SLC16A7: variants seen among roughly 807,000 people sequenced by gnomAD.
The protein encoded by SLC16A7 is solute carrier family 16 member 7.
SLC16A7 carries 33 observed loss-of-function variants against 34.9 expected under a neutral mutation model. The observed-to-expected ratio is 0.94, with a 90% CI of 0.72 to 1.26. The LOEUF (loss-of-function observed/expected upper bound fraction) is 1.26. Among genes scored for constraint, SLC16A7 ranks in the 50% most tolerant of loss-of-function variants. The probability of loss-of-function intolerance (pLI) is 0.00; values close to 1 mark genes in which losing one functional copy is unlikely to be tolerated. For missense variants in SLC16A7, 573 were observed against 578.1 expected, an observed-to-expected ratio of 0.99 and a Z score of 0.09; for synonymous variants, 201 against 206.6, an observed-to-expected ratio of 0.97 and a Z score of 0.23.
At chr12:59,660,823 T>A (rs1868808740) in intron 2 of SLC16A7, among the ~76,000 whole-genome samples, 2 of 152,162 alleles carry the variant, frequency 1.3e-5, no homozygotes, top group African/African-American at 4.8e-5. Flanking sequence ...AAGGATCTCA[T>A]ACCCTGTGAG....
Position 59,786,898 on chromosome 12 carries a change from T to C in SLC16A7, c.*7219T>C, listed in dbSNP as rs1394109002. 6.6e-6 allele frequency: 1 copy of C among 152,158 alleles called. No individual in the cohort carries two copies. The highest frequency in any genetic ancestry group is 1.5e-5 in the Non-Finnish European group (1 of 67,994). The allele number at this position is 152,158 out of a possible 1,614,324, so 9.4% of individuals were successfully genotyped here. ...AAATATATATAACAACCCTACTTGA[T>C]AGTTTATAGCCCAAATGAATATATT... On this transcript the variant is annotated 3_prime_UTR_variant, in exon 6 of 6. Coordinates refer to ENST00000547379, the MANE Select transcript of SLC16A7 (RefSeq NM_001270623.2).
chr12:59,643,153 C>A (rs894648732), intron 1 of SLC16A7, among the ~76,000 whole-genome samples: 2 of 152,090 alleles, frequency 1.3e-5, no homozygotes, highest in African/African-American at 4.8e-5. Flanking sequence ...TATGCATTAA[C>A]TTTAATATTT....
intron 3 of SLC16A7, among the ~76,000 whole-genome samples, chr12:59,734,708 A>G (rs1053460740): frequency 1.3e-5 from 2 of 152,258 alleles, no homozygotes; most frequent in African/African-American, 4.8e-5. Context: ...CAAAAATAGT[A>G]AAATTCCTCT....
chr12:59,771,446 T>TAAGA, intron 4 of SLC16A7, 84 bp downstream of exon 4: 3 of 982,164 alleles, frequency 3.1e-6, no homozygotes, highest in Non-Finnish European at 4.3e-6. Context: ...AGAAAATTCT[T>TAAGA]ATTTTCTTTG....
At chr12:59,754,000 A>G (rs986012596) in intron 3 of SLC16A7, among the ~76,000 whole-genome samples, 18 of 152,218 alleles carry the variant, frequency 1.2e-4, no homozygotes, top group Admixed American at 4.6e-4. Flanking sequence ...CTGCTCCTGA[A>G]TGACTACTGG....
chr12:59,733,902 C>T, intron 3 of SLC16A7: 1 of 446,920 alleles, frequency 2.2e-6, no homozygotes, highest in Non-Finnish European at 4.5e-6. Context: ...ATCTCCTTCC[C>T]ACAGCTGGTA....
At chr12:59,615,871 G>A (rs1422600812) in intron 1 of SLC16A7, among the ~76,000 whole-genome samples, 2 of 152,170 alleles carry the variant, frequency 1.3e-5, no homozygotes, top group African/African-American at 4.8e-5. Flanking sequence ...GAGTCTGCTG[G>A]AACCTGTTTG....
At chr12:59,627,027 G>A (rs1728910708) in intron 1 of SLC16A7, among the ~76,000 whole-genome samples, 1 of 151,866 alleles carries the variant, frequency 6.6e-6, no homozygotes, top group Non-Finnish European at 1.5e-5. Context: ...TAAATGCAGT[G>A]TGTTTAAATT....
At position 59,600,776 on chromosome 12, in the gene SLC16A7, A is replaced by C. The variant is rs1357352735; in HGVS notation, c.-130+4540A>C. Among the ~76,000 whole-genome samples, 3 of 152,216 alleles carry C rather than the reference A, an allele frequency of 2.0e-5. 1 individual carries two copies. The highest frequency in any genetic ancestry group is 7.2e-5 in the African/African-American group (3 of 41,450). Reference sequence around the variant, plus strand: ...GCTGGACTAACTGGGACTTGGGTGCACCATAGACAATTTCAACATATTCAC... The same window carrying C: ...GCTGGACTAACTGGGACTTGGGTGCCCCATAGACAATTTCAACATATTCAC... On this transcript the variant is annotated intron_variant, in intron 1 of 5. Coordinates refer to ENST00000547379, the MANE Select transcript of SLC16A7 (RefSeq NM_001270623.2).
In SLC16A7 at chr12:59,672,164, A is replaced by ATATATATGTGTATATATGCATATATACG. The variant is rs1869894389; in HGVS notation, c.-31+16922_-31+16949dup. ...TATGTGTATATATGCATATATACGT[A>ATATATATGTGTATATATGCATATATACG]TATATATGTGTATATATGCATATAT... On this transcript the variant is annotated intron_variant, in intron 2 of 5. Coordinates refer to ENST00000547379, the MANE Select transcript of SLC16A7 (RefSeq NM_001270623.2). Among the ~76,000 whole-genome samples the ATATATATGTGTATATATGCATATATACG allele has an allele frequency of 9.4e-5, 3 of 31,970 alleles. 1 individual carries two copies. Among genetic ancestry groups the ATATATATGTGTATATATGCATATATACG allele is most frequent in the African/African-American group, 1.8e-4 (2 of 11,264 alleles). 21.0% of individuals were successfully genotyped at this position (31,970 alleles called of 152,430 possible). A position where few individuals can be genotyped will look rare whatever the true frequency, so the allele number is the denominator to read the frequency against.
At chr12:59,735,987 A>ATTTT in intron 3 of SLC16A7, 1 of 983,812 alleles carries the variant, frequency 1.0e-6, no homozygotes, top group Admixed American at 2.7e-5. Flanking sequence ...CATCTACTTG[A>ATTTT]GGTAACAAGA....
rs533985584 is a variant in SLC16A7, at chr12:59,747,735, T to A, written c.218-23484T>A. On this transcript the variant is annotated intron_variant, in intron 3 of 5. Coordinates refer to ENST00000547379, the MANE Select transcript of SLC16A7 (RefSeq NM_001270623.2). ...GCCCTAGACTAGGTAATGGGTAGGG[T>A]ATGGTTGTATAACCGGAAGCTGTGT... Among the ~76,000 whole-genome samples, 56 of 152,312 alleles carry A rather than the reference T, an allele frequency of 3.7e-4. 5 individuals are homozygous for A. The highest frequency in any genetic ancestry group is 1.3e-3 in the African/African-American group (53 of 41,564).
chr12:59,681,797 G>A (rs1176975132), intron 2 of SLC16A7, among the ~76,000 whole-genome samples: 2 of 152,070 alleles, frequency 1.3e-5, no homozygotes, highest in Non-Finnish European at 2.9e-5. Context: ...TCAGCTGTGG[G>A]CATATAGGGA....
intron 1 of SLC16A7, among the ~76,000 whole-genome samples, chr12:59,598,919 G>T (rs1235502126): frequency 5.9e-5 from 9 of 152,198 alleles, no homozygotes; most frequent in African/African-American, 1.9e-4. Context: ...ATAGCATGTA[G>T]CAACCATTTG....
chr12:59,643,634 C>T (rs1880782709), intron 1 of SLC16A7, among the ~76,000 whole-genome samples: 1 of 152,110 alleles, frequency 6.6e-6, no homozygotes, highest in Non-Finnish European at 1.5e-5. Context: ...GTACTTACTT[C>T]CCTGTGGGCA....
intron 3 of SLC16A7, among the ~76,000 whole-genome samples, chr12:59,726,261 T>G (rs1876218908): frequency 1.3e-5 from 2 of 152,060 alleles, no homozygotes. Context: ...TTGAGAAGGG[T>G]CTTGGGAATA....
intron 2 of SLC16A7, among the ~76,000 whole-genome samples, chr12:59,675,925 A>C (rs1032970837): frequency 6.6e-6 from 1 of 152,162 alleles, no homozygotes; most frequent in African/African-American, 2.4e-5. Flanking sequence ...AGATATATAT[A>C]TATATATAGC....
chr12:59,749,965 A>G (rs1879327393), intron 3 of SLC16A7, among the ~76,000 whole-genome samples: 1 of 152,226 alleles, frequency 6.6e-6, no homozygotes, highest in African/African-American at 2.4e-5. Flanking sequence ...GCAATGGGGA[A>G]AGCATTCCCT....
At chr12:59,777,768 G>T (rs1882906715) in intron 5 of SLC16A7, among the ~76,000 whole-genome samples, 1 of 150,912 alleles carries the variant, frequency 6.6e-6, no homozygotes, top group Non-Finnish European at 1.5e-5. Context: ...TCGTCATTTA[G>T]CATTAGGTAT....
Sources: allele counts gnomAD v4.1 joint callset (sites outside exome capture counted in the v4.1 genomes callset), GRCh38; gene constraint gnomAD v4.1.1; transcripts MANE v1.5; gene names NCBI Gene and HGNC (gene_info 2026-07-23, HGNC 2026-07-21).